The following KCTD16 variants were observed in gnomAD, a reference collection of about 807,000 sequenced individuals.
KCTD16 encodes the protein BTB/POZ domain-containing protein KCTD16.
A neutral mutation model predicts 33.2 loss-of-function variants in KCTD16; 13 were observed. That is an observed-to-expected ratio of 0.39 (90% confidence interval 0.25 to 0.62). KCTD16 has a LOEUF of 0.62. Among genes scored for constraint, KCTD16 ranks in the 20% least tolerant of loss-of-function variants. The pLI, the probability that KCTD16 is intolerant of heterozygous loss-of-function variation, is 0.50. For missense variants in KCTD16, 441 were observed against 525.1 expected, an observed-to-expected ratio of 0.84 and a Z score of 1.57; for synonymous variants, 197 against 195.3, an observed-to-expected ratio of 1.01 and a Z score of -0.07.
At chr5:144,393,721 C>A (rs1468765322) in intron 3 of KCTD16, among the ~76,000 whole-genome samples, 1 of 152,118 alleles carries the variant, frequency 6.6e-6, no homozygotes, top group Non-Finnish European at 1.5e-5. Flanking sequence ...TCCCTGACAA[C>A]CTGCATTCTG....
At chr5:144,338,083 G>A (rs1171700803) in intron 3 of KCTD16, among the ~76,000 whole-genome samples, 1 of 152,156 alleles carries the variant, frequency 6.6e-6, no homozygotes, top group Non-Finnish European at 1.5e-5. Context: ...GAGAAGAGAT[G>A]AGAAAGTAAG....
chr5:144,196,552 G>A (rs962429990), intron 2 of KCTD16, among the ~76,000 whole-genome samples: 1 of 152,036 alleles, frequency 6.6e-6, no homozygotes, highest in African/African-American at 2.4e-5. Context: ...TCTATGTCCT[G>A]TATTATGGCA....
chr5:144,417,144 A>G (rs1753074245), intron 3 of KCTD16, among the ~76,000 whole-genome samples: 1 of 152,170 alleles, frequency 6.6e-6, no homozygotes, highest in Non-Finnish European at 1.5e-5. Context: ...TCACATGGTA[A>G]TTCTACATTT....
chr5:144,291,546 T>C (rs1461203540), intron 3 of KCTD16, among the ~76,000 whole-genome samples: 1 of 152,254 alleles, frequency 6.6e-6, no homozygotes, highest in Non-Finnish European at 1.5e-5. Context: ...TCTTTAATAT[T>C]GTCCTTTATA....
intron 1 of KCTD16, among the ~76,000 whole-genome samples, chr5:144,171,325 A>G (rs1488903796): frequency 6.6e-6 from 1 of 152,232 alleles, no homozygotes; most frequent in Non-Finnish European, 1.5e-5. Flanking sequence ...AGAGAAGACC[A>G]GAAAAGAGAA....
intron 3 of KCTD16, among the ~76,000 whole-genome samples, chr5:144,359,401 A>G (rs1751652067): frequency 6.6e-6 from 1 of 152,106 alleles, no homozygotes; most frequent in African/African-American, 2.4e-5. Context: ...GAATGGCCAT[A>G]TCAGTCATGA....
At chr5:144,360,581 A>G (rs377304885) in intron 3 of KCTD16, among the ~76,000 whole-genome samples, 36 of 151,968 alleles carry the variant, frequency 2.4e-4, no homozygotes, top group East Asian at 1.4e-3. Flanking sequence ...ACAGGTGCAC[A>G]CCACCACGCC....
intron 3 of KCTD16, among the ~76,000 whole-genome samples, chr5:144,467,075 A>G: frequency 7.5e-6 from 1 of 133,014 alleles, no homozygotes; most frequent in African/African-American, 2.7e-5. Context: ...TATATATAAT[A>G]TATATAGTGT....
At chr5:144,367,187 A>G (rs982221178) in intron 3 of KCTD16, among the ~76,000 whole-genome samples, 2 of 152,220 alleles carry the variant, frequency 1.3e-5, no homozygotes, top group Non-Finnish European at 2.9e-5. Flanking sequence ...GCCGACTTAA[A>G]TTCCCTACCT....
intron 3 of KCTD16, among the ~76,000 whole-genome samples, chr5:144,317,673 A>G (rs1000810113): frequency 4.6e-5 from 7 of 151,974 alleles, no homozygotes; most frequent in Admixed American, 2.6e-4. Context: ...TTCCTATCCT[A>G]CTAAGAAAAT....
intron 3 of KCTD16, among the ~76,000 whole-genome samples, chr5:144,343,806 C>T (rs1752710507): frequency 6.6e-6 from 1 of 152,150 alleles, no homozygotes; most frequent in Non-Finnish European, 1.5e-5. Flanking sequence ...TTTCAAAGAA[C>T]ATCTTTATTT....
At chr5:144,352,137 C>A (rs1024221929) in intron 3 of KCTD16, among the ~76,000 whole-genome samples, 1 of 152,144 alleles carries the variant, frequency 6.6e-6, no homozygotes, top group African/African-American at 2.4e-5. Flanking sequence ...GTATACATCA[C>A]TATATGCTAT....
intron 3 of KCTD16, among the ~76,000 whole-genome samples, chr5:144,460,074 C>T (rs183967392): frequency 5.1e-4 from 77 of 151,270 alleles, no homozygotes; most frequent in African/African-American, 1.6e-3. Flanking sequence ...CCTCGTGATC[C>T]GCCCGCCTCA....
At chr5:144,214,381 G>A (rs961615276) in intron 3 of KCTD16, among the ~76,000 whole-genome samples, 25 of 152,098 alleles carry the variant, frequency 1.6e-4, no homozygotes, top group African/African-American at 5.8e-4. Context: ...AATATGATGA[G>A]ATTTCTAAGG....
In KCTD16 at chr5:144,207,068, G is replaced by A; in HGVS notation, c.354G>A (p.Leu118=). The change falls in exon 3 of 4, where the codon TTG becomes TTA. Residue 118 remains leucine (L), a synonymous_variant. Transcript: ENST00000512467. ...REAEYFQLPD[L]VKLLTPDEIK... is the part of the protein sequence containing the mutation. Reference sequence around the variant, plus strand: ...CTGAATACTTCCAGCTCCCAGACTTGGTCAAACTCCTGACCCCCGATGAAA... The same window carrying A: ...CTGAATACTTCCAGCTCCCAGACTTAGTCAAACTCCTGACCCCCGATGAAA... 1 of 1,613,378 alleles carries A rather than the reference G, an allele frequency of 6.2e-7. No individual in the cohort carries two copies. Among genetic ancestry groups the A allele is most frequent in the Non-Finnish European group, 8.5e-7 (1 of 1,179,748 alleles).
intron 3 of KCTD16, among the ~76,000 whole-genome samples, chr5:144,301,064 A>C (rs1204477793): frequency 2.6e-5 from 4 of 152,036 alleles, no homozygotes; most frequent in African/African-American, 9.7e-5. Context: ...AACACGGTGA[A>C]ACCCCGTCTC....
intron 2 of KCTD16, chr5:144,205,217 T>C: frequency 4.0e-6 from 1 of 252,702 alleles, no homozygotes; most frequent in Non-Finnish European, 7.4e-6. Flanking sequence ...CCCGCGCGCC[T>C]GGCAATCGCG....
intron 3 of KCTD16, among the ~76,000 whole-genome samples, chr5:144,328,237 G>A (rs977255638): frequency 3.3e-5 from 5 of 152,080 alleles, no homozygotes; most frequent in African/African-American, 1.2e-4. Context: ...GAGTTATGTT[G>A]GAGACAATAT....
intron 3 of KCTD16, among the ~76,000 whole-genome samples, chr5:144,430,936 A>G (rs1328910508): frequency 6.6e-6 from 1 of 152,138 alleles, no homozygotes; most frequent in Non-Finnish European, 1.5e-5. Context: ...GAATCTAATA[A>G]TAGCCACAGA....
Sources: allele counts gnomAD v4.1 joint callset (sites outside exome capture counted in the v4.1 genomes callset), GRCh38; gene constraint gnomAD v4.1.1; transcripts MANE v1.5; gene names NCBI Gene and HGNC (gene_info 2026-07-23, HGNC 2026-07-21).